The following PROM1 variants were observed in gnomAD, a reference collection of about 807,000 sequenced individuals.
PROM1 encodes the protein prominin 1, also known as prominin-1.
Under a neutral mutation model 116.9 loss-of-function variants are expected in PROM1, and 105 were observed. That is an observed-to-expected ratio of 0.90 (90% CI 0.77 to 1.06). The LOEUF is 1.06. Among genes scored for constraint, PROM1 ranks in the 50% least tolerant of loss-of-function variants. The pLI is 0.00. For missense variants in PROM1, 1,122 were observed against 1,045.2 expected (o/e 1.07, Z -1.01); for synonymous variants, 393 against 387.0 (o/e 1.02, Z -0.18).
At chr4:16,004,570 TAACA>T (rs527350614) in intron 13 of PROM1, among the ~76,000 whole-genome samples, 6 of 152,160 alleles carry the variant, frequency 3.9e-5, no homozygotes, top group Non-Finnish European at 7.4e-5. Flanking sequence ...ACCAAAACAC[TAACA>T]AACAACCAAG....
At chr4:16,000,823 G>C (rs1723618644) in intron 13 of PROM1, among the ~76,000 whole-genome samples, 1 of 151,442 alleles carries the variant, frequency 6.6e-6, no homozygotes, top group Admixed American at 6.6e-5. Context: ...TACACTGGAT[G>C]GGGGCCTGGG....
At chr4:16,022,628 C>T (rs1730190143) in intron 8 of PROM1, among the ~76,000 whole-genome samples, 1 of 152,150 alleles carries the variant, frequency 6.6e-6, no homozygotes, top group South Asian at 2.1e-4. Flanking sequence ...TTCATATTGG[C>T]AAAATGAGTG....
intron 2 of PROM1, among the ~76,000 whole-genome samples, chr4:16,074,565 G>A (rs907001157): frequency 6.6e-5 from 10 of 152,086 alleles, no homozygotes; most frequent in South Asian, 4.1e-4. Context: ...AGTAGCATTC[G>A]TTCAGGATTC....
chr4:16,054,125 G>A (rs555243757), intron 2 of PROM1, among the ~76,000 whole-genome samples: 9 of 152,152 alleles, frequency 5.9e-5, no homozygotes, highest in East Asian at 3.9e-4. Flanking sequence ...TTTATAAGAC[G>A]TCTTACCTCC....
chr4:16,004,830 T>TCTTC (rs748048202), intron 13 of PROM1, among the ~76,000 whole-genome samples: 6 of 117,594 alleles, frequency 5.1e-5, no homozygotes, highest in South Asian at 2.7e-4. Flanking sequence ...TTTCTTTCTT[T>TCTTC]TTCTTCCTTC....
chr4:16,039,051 A>C (rs774833627), intron 2 of PROM1, 50 bp from the exon 3 acceptor site: 30 of 1,393,982 alleles, frequency 2.2e-5, no homozygotes, highest in Non-Finnish European at 1.9e-6. Flanking sequence ...GTAAAATTAT[A>C]AAATGCATAT....
intron 26 of PROM1, among the ~76,000 whole-genome samples, chr4:15,973,886 G>A (rs1258154549): frequency 6.6e-6 from 1 of 152,122 alleles, no homozygotes; most frequent in East Asian, 1.9e-4. Flanking sequence ...ACAACAAGGC[G>A]GTGACGACAG....
At chr4:15,991,187 C>CT in intron 18 of PROM1, 35 bp downstream of exon 18, 4 of 1,552,682 alleles carry the variant, frequency 2.6e-6, no homozygotes, top group Middle Eastern at 1.7e-4. Flanking sequence ...ACATCTACAA[C>CT]TACTACAGTA....
At chr4:16,056,674 A>T (rs941894208) in intron 2 of PROM1, among the ~76,000 whole-genome samples, 2 of 151,748 alleles carry the variant, frequency 1.3e-5, no homozygotes, top group Admixed American at 1.3e-4. Flanking sequence ...TCGAAAGAAG[A>T]AAAAAAAGAA....
At chr4:16,032,046 A>G (rs1732829699) in intron 5 of PROM1, among the ~76,000 whole-genome samples, 1 of 151,944 alleles carries the variant, frequency 6.6e-6, no homozygotes, top group Admixed American at 6.6e-5. Flanking sequence ...ACAACCCTCA[A>G]TTTCCTTTCC....
At chr4:16,034,972 A>G (rs1320348417) in intron 4 of PROM1, among the ~76,000 whole-genome samples, 2 of 152,268 alleles carry the variant, frequency 1.3e-5, no homozygotes, top group African/African-American at 4.8e-5. Flanking sequence ...AATAAATGGT[A>G]GTTAACTCTA....
chr4:15,972,044 G>A (rs914015986), intron 26 of PROM1: 1 of 152,184 alleles, frequency 6.6e-6, no homozygotes, highest in African/African-American at 2.4e-5. Flanking sequence ...AAGGACTGTA[G>A]GCTCTGGCAA....
chr4:16,080,018 A>AAAG (rs1398960181), intron 1 of PROM1: 2 of 142,912 alleles, frequency 1.4e-5, no homozygotes, highest in African/African-American at 5.9e-5. Context: ...CTACAAAAAA[A>AAAG]AAAAAAAAAA....
chr4:16,031,362 G>A (rs927496913), intron 5 of PROM1, among the ~76,000 whole-genome samples: 15 of 151,934 alleles, frequency 9.9e-5, no homozygotes, highest in African/African-American at 3.4e-4. Flanking sequence ...AACACACCAG[G>A]GATCCCTGGT....
intron 14 of PROM1, among the ~76,000 whole-genome samples, chr4:15,999,720 G>C (rs770355846): frequency 2.0e-5 from 3 of 151,886 alleles, no homozygotes; most frequent in Non-Finnish European, 4.4e-5. Flanking sequence ...AATCTCCCTC[G>C]ACCAGTGAAA....
In PROM1 at chr4:16,012,020, T is replaced by C. The variant is rs573437509; in HGVS notation, c.1141+1255A>G. Among the ~76,000 whole-genome samples, 4 of 152,268 alleles carry C rather than the reference T, an allele frequency of 2.6e-5. No homozygotes were observed. In the South Asian group the frequency reaches 6.2e-4, roughly 24 times the overall value. On this transcript the variant is annotated intron_variant, in intron 11 of 27. Transcript: ENST00000447510. ...TTTTTTGTTTGTTTGTTTTTGTTTT[T>C]TTTTGAGAGAGAGTCGCCCAGGCTG...
chr4:15,996,721 T>C (rs1722411343), intron 15 of PROM1, among the ~76,000 whole-genome samples: 1 of 152,154 alleles, frequency 6.6e-6, no homozygotes, highest in Non-Finnish European at 1.5e-5. Context: ...AAGAAGTCTC[T>C]TGAATATCAA....
intron 2 of PROM1, among the ~76,000 whole-genome samples, chr4:16,053,062 G>A (rs900514867): frequency 6.6e-6 from 1 of 152,166 alleles, no homozygotes; most frequent in Non-Finnish European, 1.5e-5. Context: ...TCAACTGTTT[G>A]GGAGACAAAA....
At chr4:15,987,758 G>A (rs765489363) in intron 19 of PROM1, 42 bp from the exon 20 acceptor site, 33 of 1,540,548 alleles carry the variant, frequency 2.1e-5, no homozygotes, top group Non-Finnish European at 3.0e-5. Flanking sequence ...ATTACATGAA[G>A]CAGCAAGATC....
Sources: allele counts gnomAD v4.1 joint callset (sites outside exome capture counted in the v4.1 genomes callset), GRCh38; gene constraint gnomAD v4.1.1; transcripts MANE v1.5; gene names NCBI Gene and HGNC (gene_info 2026-07-23, HGNC 2026-07-21).